The following FAM217A variants were observed in gnomAD, a reference collection of about 807,000 sequenced individuals.
The protein encoded by FAM217A is protein FAM217A.
Under a neutral mutation model 18.5 loss-of-function variants are expected in FAM217A, and 13 were observed. That is an observed-to-expected ratio of 0.70 (90% CI 0.46 to 1.12). FAM217A has a LOEUF of 1.12. Among genes scored for constraint, FAM217A ranks in the 50% most tolerant of loss-of-function variants. The pLI, the probability that FAM217A is intolerant of heterozygous loss-of-function variation, is 0.00. For missense variants in FAM217A, 560 were observed against 575.4 expected (o/e 0.97, Z 0.27); for synonymous variants, 161 against 202.8 (o/e 0.79, Z 1.75).
upstream of FAM217A, chr6:4,079,185 C>T (rs1267277890): frequency 8.0e-5 from 25 of 310,798 alleles, no homozygotes; most frequent in East Asian, 7.3e-4. Context: ...CCCGGGGAGG[C>T]CCGGCGTTCC....
At chr6:4,079,648 C>G (rs1349751645), upstream of FAM217A, 3 of 1,288,826 alleles carry the variant, frequency 2.3e-6, no homozygotes, top group East Asian at 5.6e-5. Context: ...CCATTCCCAC[C>G]GCCTGCTCAC....
chr6:4,074,925 AAC>A (rs59058040), intron 2 of FAM217A, among the ~76,000 whole-genome samples: 3,981 of 150,148 alleles, frequency 0.027, 179 homozygotes, highest in African/African-American at 0.091. Flanking sequence ...TAAATATAAT[AAC>A]ACAGGTTTTC....
chr6:4,085,012 T>C (rs1305945984), intron 1 of FAM217A, among the ~76,000 whole-genome samples: 2 of 152,164 alleles, frequency 1.3e-5, no homozygotes, highest in Admixed American at 1.3e-4. Flanking sequence ...GAAAATAATA[T>C]GTTAGAAGCC....
chr6:4,069,600 T>A lies in FAM217A; in HGVS notation c.623A>T (p.Asn208Ile), dbSNP rs774460158. ...GAGTAAAGTATCATTTGTCTTCTCATTTTCTGATAAATCACTTTCATCTGT... is the reference window on the plus strand; with the variant it reads ...GAGTAAAGTATCATTTGTCTTCTCAATTTCTGATAAATCACTTTCATCTGT... ...NFTDESDLSE[N>I]EKTNDTLLSY... Residue 208 changes from asparagine (N) to isoleucine (I), a missense_variant, in exon 7 of 7, where the codon AAT becomes ATT. Transcript: ENST00000274673. 8 of 1,614,152 alleles carry A rather than the reference T, an allele frequency of 5.0e-6. No individual in the cohort carries two copies. In the East Asian group the frequency reaches 1.6e-4, roughly 31 times the overall value.
At chr6:4,084,694 G>C (rs1484845196) in exon 2 of FAM217A, 1 of 702,978 alleles carries the variant, frequency 1.4e-6, no homozygotes, top group East Asian at 2.7e-5. Flanking sequence ...AAAACTTGGA[G>C]CTAATCTTCT....
At chr6:4,083,549 TTTC>T (rs1770440306), upstream of FAM217A, among the ~76,000 whole-genome samples, 1 of 149,408 alleles carries the variant, frequency 6.7e-6, no homozygotes, top group South Asian at 2.1e-4. Flanking sequence ...TTTCTTTTCT[TTTC>T]TTTTCTTTTT....
At chr6:4,086,251 A>C (rs1396006206) in intron 1 of FAM217A, among the ~76,000 whole-genome samples, 2 of 152,044 alleles carry the variant, frequency 1.3e-5, no homozygotes, top group African/African-American at 4.8e-5. Context: ...GTTCAAGACC[A>C]GCCTGACCAA....
exon 2 of FAM217A, chr6:4,084,646 T>C (rs1374545860): frequency 4.3e-6 from 3 of 703,030 alleles, no homozygotes; most frequent in South Asian, 1.5e-5. Context: ...ACCTCATTTG[T>C]TGTGAACAGA....
chr6:4,074,426 C>T lies in FAM217A; in HGVS notation c.159+17G>A, dbSNP rs1396870657. ...GTATGTTTTATGAATACCTTAAAAC[C>T]AAACATTCATCCTTACCTTGTTAAT... On this transcript the variant is annotated intron_variant, in intron 4 of 6. Coordinates refer to ENST00000274673, the MANE Select transcript of FAM217A (RefSeq NM_173563.3). The T allele has an allele frequency of 1.3e-5, 21 of 1,568,526 alleles. No homozygotes were observed. The highest frequency in any genetic ancestry group is 1.8e-5 in the Non-Finnish European group (21 of 1,145,902).
chr6:4,079,670 A>G, upstream of FAM217A: 1 of 1,283,354 alleles, frequency 7.8e-7, no homozygotes, highest in Non-Finnish European at 1.0e-6. Flanking sequence ...TCAAGCCAGG[A>G]GCACCGCCCG....
At chr6:4,084,601 A>C (rs1439734576) in exon 2 of FAM217A, 1 of 702,996 alleles carries the variant, frequency 1.4e-6, no homozygotes, top group East Asian at 2.7e-5. Flanking sequence ...GAAAGGTGTA[A>C]CTTGAAGTCC....
At chr6:4,073,804 T>G (rs1169241498) in intron 4 of FAM217A, among the ~76,000 whole-genome samples, 1 of 152,186 alleles carries the variant, frequency 6.6e-6, no homozygotes, top group Non-Finnish European at 1.5e-5. Context: ...AGATTAATTT[T>G]CCACTACTTC....
rs776664548 is a variant in FAM217A, at chr6:4,069,907, A to AT, written c.315dup (p.Ser106IlefsTer8). 156 of 1,565,792 alleles carry AT rather than the reference A, an allele frequency of 1.0e-4. No individual in the cohort carries two copies. In the African/African-American group the frequency reaches 1.8e-3, roughly 18 times the overall value. On this transcript the variant is annotated frameshift_variant, in exon 7 of 7. Transcript: ENST00000274673. LOFTEE classifies it low-confidence loss of function (END_TRUNC). ...ACATTAAAGCCAGTTTCCACTGAAG[A>AT]TTTTTTGAATTCCCTTTAAAAAATA...
rs760590201 is a variant in FAM217A, at chr6:4,069,782, T to A, written c.441A>T (p.Leu147Phe). The change falls in exon 7 of 7, where the codon TTA (leucine) becomes TTT (phenylalanine). Residue 147 changes from leucine to phenylalanine, a missense_variant. Physicochemically the swap from Leu to Phe is conservative, Grantham distance 22. Transcript: ENST00000274673. ...CATCAGCATAGGGCCAGCAGAGACC[T>A]AATGGCATTGGCAGTCCAGGGTAAG... ...VGPYPGLPMP[L>F]GLCWPYADGD... 2 of 1,614,098 alleles carry A rather than the reference T, an allele frequency of 1.2e-6. No homozygotes were observed. The highest frequency in any genetic ancestry group is 1.7e-6 in the Non-Finnish European group (2 of 1,180,036).
At chr6:4,084,850 A>T (rs1770539277) in intron 1 of FAM217A, 1 of 697,982 alleles carries the variant, frequency 1.4e-6, no homozygotes, top group Admixed American at 2.0e-5. Context: ...CCTAAAAGTC[A>T]TGAATAAAAG....
upstream of FAM217A, among the ~76,000 whole-genome samples, chr6:4,080,989 G>T (rs1770259161): frequency 6.6e-6 from 1 of 151,226 alleles, no homozygotes; most frequent in Non-Finnish European, 1.5e-5. Context: ...TTTAATTACA[G>T]CCCCTTACTC....
At position 4,068,817 on chromosome 6, in the gene FAM217A, T is replaced by C; in HGVS notation, c.1406A>G (p.Lys469Arg). The change falls in exon 7 of 7, where the codon AAA becomes AGA. Residue 469 changes from lysine (K) to arginine (R), a missense_variant. By Grantham distance (26) the Lys-to-Arg change is conservative (BLOSUM62 2). Transcript: ENST00000274673. ...IKAPKRNFGT[K>R]KKLYRQNIVL... ...TATATTTTGTCGGTAAAGTTTCTTT[T>C]TGGTCCCAAAGTTTCTCTTCGGTGC... The C allele has an allele frequency of 6.2e-7, 1 of 1,614,212 alleles. No individual in the cohort carries two copies. The highest frequency in any genetic ancestry group is 8.5e-7 in the Non-Finnish European group (1 of 1,180,018).
chr6:4,074,470 A>G lies in FAM217A; in HGVS notation c.146-14T>C. On this transcript the variant is annotated splice_polypyrimidine_tract_variant and intron_variant, in intron 3 of 6. Coordinates refer to ENST00000274673, the MANE Select transcript of FAM217A (RefSeq NM_173563.3). ...TGTTAATTTTGCCTGAAATGTGTAT[A>G]AAAAATGACAATTAATAGTTACATA... is the stretch of plus-strand genomic sequence containing the variant. 1 of 1,585,564 alleles carries G rather than the reference A, an allele frequency of 6.3e-7. No homozygotes were observed. The highest frequency in any genetic ancestry group is 1.1e-5 in the South Asian group (1 of 89,648).
intron 1 of FAM217A, among the ~76,000 whole-genome samples, chr6:4,085,311 A>AAAATAT (rs377046907): frequency 0.011 from 1,675 of 146,404 alleles, 11 homozygotes; most frequent in Non-Finnish European, 0.013. Context: ...TGTAAAAAAA[A>AAAATAT]ATATATATAT....
Sources: gnomAD v4.1 joint callset for allele counts (sites outside exome capture counted in the v4.1 genomes callset) on GRCh38, gnomAD v4.1.1 for gene constraint, MANE v1.5 for transcripts, NCBI Gene and HGNC (gene_info 2026-07-23, HGNC 2026-07-21) for gene names.